ARK2N: variants seen among roughly 807,000 people sequenced by gnomAD.
The protein encoded by ARK2N is arkadia (RNF111) N-terminal like PKA signaling regulator 2N, also known as protein ARK2N.
At chr18:46,237,451 G>A in the ARK2N span, among the ~76,000 whole-genome samples, 8,609 of 147,802 alleles carry the variant, frequency 0.058, 337 homozygotes, top group East Asian at 0.13. Context: ...TCAGTGGCAC[G>A]ATCTCGGCTC....
chr18:46,249,459 C>G, the ARK2N span, among the ~76,000 whole-genome samples: 1 of 152,046 alleles, frequency 6.6e-6, no homozygotes, highest in Non-Finnish European at 1.5e-5. Flanking sequence ...GTCTCGATCT[C>G]CTGACCTCGT....
the ARK2N span, among the ~76,000 whole-genome samples, chr18:46,197,637 A>T: frequency 6.6e-6 from 1 of 152,174 alleles, no homozygotes; most frequent in Non-Finnish European, 1.5e-5. Flanking sequence ...GTTTCATTTG[A>T]TCTGAAGACC....
At chr18:46,209,290 C>CTTTT in the ARK2N span, among the ~76,000 whole-genome samples, 5 of 138,644 alleles carry the variant, frequency 3.6e-5, no homozygotes, top group South Asian at 4.6e-4. Flanking sequence ...TACTTCTCCA[C>CTTTT]TTTTTTTTTT....
the ARK2N span, chr18:46,216,309 C>G: frequency 6.2e-7 from 1 of 1,613,888 alleles, no homozygotes; most frequent in East Asian, 2.2e-5. This position sits in a 1 kb window ranked among gnomAD's most constrained non-coding sequence, Gnocchi z 4.3. Flanking sequence ...CTAGGCGGTC[C>G]CGATCTGAAA....
chr18:46,214,147 G>A, the ARK2N span, among the ~76,000 whole-genome samples: 3 of 152,176 alleles, frequency 2.0e-5, no homozygotes, highest in Admixed American at 6.5e-5. Flanking sequence ...ATTTATGTTT[G>A]TATTAAGCAA....
At chr18:46,198,156 G>A in the ARK2N span, among the ~76,000 whole-genome samples, 3 of 151,782 alleles carry the variant, frequency 2.0e-5, no homozygotes, top group African/African-American at 7.3e-5. Context: ...ACAAAAGTTA[G>A]CCGGGTATGG....
At chr18:46,222,896 T>G in the ARK2N span, among the ~76,000 whole-genome samples, 10 of 152,156 alleles carry the variant, frequency 6.6e-5, no homozygotes, top group Non-Finnish European at 5.9e-5. Flanking sequence ...AGTCTGTAGT[T>G]TACTGTTAGG....
chr18:46,229,101 G>GA, the ARK2N span, among the ~76,000 whole-genome samples: 94 of 152,086 alleles, frequency 6.2e-4, no homozygotes, highest in Admixed American at 1.8e-3. Context: ...CTGTGGTTTG[G>GA]AGAGTTTAAC....
the ARK2N span, among the ~76,000 whole-genome samples, chr18:46,225,940 A>C: frequency 6.6e-6 from 1 of 152,246 alleles, no homozygotes. Context: ...TACCAAAAAT[A>C]TAAATAAAAC....
At chr18:46,264,218 A>G in the ARK2N span, 1 of 152,682 alleles carries the variant, frequency 6.5e-6, no homozygotes, top group Non-Finnish European at 1.5e-5. Context: ...TAAGTTTTAC[A>G]GAGTCTAAAA....
At chr18:46,179,186 G>T in the ARK2N span, among the ~76,000 whole-genome samples, 3 of 151,758 alleles carry the variant, frequency 2.0e-5, no homozygotes, top group African/African-American at 7.3e-5. Context: ...TCAAGTGATC[G>T]CCCACCTTGG....
At chr18:46,177,399 T>G in the ARK2N span, among the ~76,000 whole-genome samples, 6 of 150,914 alleles carry the variant, frequency 4.0e-5, no homozygotes, top group Non-Finnish European at 8.8e-5. Flanking sequence ...CTTTTTCTTC[T>G]TTTGTTCGTT....
chr18:46,257,871 A>G, the ARK2N span, among the ~76,000 whole-genome samples: 1 of 152,084 alleles, frequency 6.6e-6, no homozygotes. Context: ...TTCCTCAGCA[A>G]AGTAATTGGT....
the ARK2N span, among the ~76,000 whole-genome samples, chr18:46,180,445 G>A: frequency 2.6e-5 from 4 of 152,170 alleles, no homozygotes; most frequent in Non-Finnish European, 5.9e-5. Flanking sequence ...GGTGGCTCAC[G>A]CCTGTAATCC....
the ARK2N span, among the ~76,000 whole-genome samples, chr18:46,250,874 A>G: frequency 6.6e-6 from 1 of 152,146 alleles, no homozygotes; most frequent in South Asian, 2.1e-4. Flanking sequence ...TCTGTATGCC[A>G]CTTCCCCTCA....
At chr18:46,262,049 C>A in the ARK2N span, among the ~76,000 whole-genome samples, 1 of 152,194 alleles carries the variant, frequency 6.6e-6, no homozygotes, top group African/African-American at 2.4e-5. Context: ...TTACTTCTCA[C>A]ATAAGCTACC....
chr18:46,261,733 G>A, the ARK2N span, among the ~76,000 whole-genome samples: 2 of 152,170 alleles, frequency 1.3e-5, no homozygotes, highest in South Asian at 2.1e-4. Flanking sequence ...GCAAATTTGC[G>A]TTCTGCCCTC....
the ARK2N span, among the ~76,000 whole-genome samples, chr18:46,256,188 A>G: frequency 6.6e-6 from 1 of 152,184 alleles, no homozygotes; most frequent in East Asian, 1.9e-4. Flanking sequence ...AATTCATTGT[A>G]CTTATGTGTT....
the ARK2N span, among the ~76,000 whole-genome samples, chr18:46,199,594 T>C: frequency 2.0e-5 from 3 of 151,834 alleles, no homozygotes; most frequent in Non-Finnish European, 4.4e-5. Context: ...CCCAAAATGC[T>C]GTGATTACAC....
Sources: allele counts gnomAD v4.1 joint callset (sites outside exome capture counted in the v4.1 genomes callset), GRCh38; gene constraint gnomAD v4.1.1; non-coding constraint Gnocchi (gnomAD v3.1); transcripts MANE v1.5; gene names NCBI Gene and HGNC (gene_info 2026-07-23, HGNC 2026-07-21).